Variants in PITPNB observed in about 807,000 individuals in gnomAD.
The protein encoded by PITPNB is phosphatidylinositol transfer protein beta, also known as phosphatidylinositol transfer protein beta isoform.
In PITPNB, 16 loss-of-function variants were observed where a neutral mutation model predicts 45.9. The observed-to-expected ratio is 0.35, with a 90% CI of 0.24 to 0.53. PITPNB has a LOEUF of 0.53. PITPNB is among the 20% of genes least tolerant of loss of function. PITPNB has a pLI of 0.93. For missense variants in PITPNB, 188 were observed against 330.5 expected (o/e 0.57, Z 3.34); for synonymous variants, 112 against 108.9 (o/e 1.03, Z -0.18).
intron 7 of PITPNB, among the ~76,000 whole-genome samples, chr22:27,893,161 G>T (rs572303640): frequency 6.6e-6 from 1 of 152,208 alleles, no homozygotes; most frequent in Non-Finnish European, 1.5e-5. Context: ...TAGATTAGAG[G>T]AAGAGGACCA....
At chr22:27,878,092 A>T (rs1934870799) in intron 7 of PITPNB, among the ~76,000 whole-genome samples, 1 of 152,264 alleles carries the variant, frequency 6.6e-6, no homozygotes, top group Non-Finnish European at 1.5e-5. Flanking sequence ...AAAATAGCTC[A>T]AAGATAATCA....
At chr22:27,883,641 G>A (rs1935035722) in intron 7 of PITPNB, among the ~76,000 whole-genome samples, 1 of 152,226 alleles carries the variant, frequency 6.6e-6, no homozygotes, top group Non-Finnish European at 1.5e-5. Context: ...GGGACTCAGG[G>A]TTTTGGCTTG....
chr22:27,889,618 C>T lies in PITPNB; in HGVS notation c.456+4937G>A, dbSNP rs555323926. ...ATTCTTACAGATCATCTGTTCTCTTCTCTGAAATCCTACAGCACTTTGGAC... is the reference window on the plus strand; with the variant it reads ...ATTCTTACAGATCATCTGTTCTCTTTTCTGAAATCCTACAGCACTTTGGAC... On this transcript the variant is annotated intron_variant, in intron 7 of 11. Coordinates refer to ENST00000335272, the MANE Select transcript of PITPNB (RefSeq NM_012399.5). 2.6e-4 allele frequency among the ~76,000 whole-genome samples: 40 copies of T among 152,332 alleles called. 2 individuals carry two copies. The highest frequency in any genetic ancestry group is 2.4e-3 in the Admixed American group (36 of 15,306).
At chr22:27,886,896 G>A (rs955849160) in intron 7 of PITPNB, among the ~76,000 whole-genome samples, 1 of 151,626 alleles carries the variant, frequency 6.6e-6, no homozygotes, top group African/African-American at 2.4e-5. Context: ...TTTTTAATTA[G>A]CTCACTCAAG....
chr22:27,874,565 C>T (rs867968740), intron 7 of PITPNB, among the ~76,000 whole-genome samples: 3 of 152,000 alleles, frequency 2.0e-5, no homozygotes, highest in East Asian at 3.8e-4. Context: ...CCTGACAGAA[C>T]GGAGGAAATG....
At chr22:27,906,606 TCA>T (rs989101148) in intron 3 of PITPNB, among the ~76,000 whole-genome samples, 5 of 152,174 alleles carry the variant, frequency 3.3e-5, no homozygotes, top group Non-Finnish European at 7.3e-5. Flanking sequence ...TTTCTGGACC[TCA>T]GTTTCCTCAC....
chr22:27,879,722 C>T (rs2146375179), intron 7 of PITPNB, among the ~76,000 whole-genome samples: 1 of 152,138 alleles, frequency 6.6e-6, no homozygotes, highest in African/African-American at 2.4e-5. Flanking sequence ...GTAAGTGATA[C>T]ATTTAGAAAA....
chr22:27,868,150 C>A (rs1051848347), intron 8 of PITPNB, among the ~76,000 whole-genome samples: 1 of 152,174 alleles, frequency 6.6e-6, no homozygotes, highest in Non-Finnish European at 1.5e-5. Flanking sequence ...TTTTCAAATG[C>A]TTCGTATCCT....
intron 6 of PITPNB, 47 bp from the exon 7 acceptor site, chr22:27,894,685 C>A: frequency 2.8e-6 from 3 of 1,081,426 alleles, no homozygotes; most frequent in East Asian, 4.7e-5. Flanking sequence ...GTAGATTATT[C>A]TATTATGCTT....
chr22:27,880,929 T>C (rs1283338325), intron 7 of PITPNB, among the ~76,000 whole-genome samples: 1 of 152,150 alleles, frequency 6.6e-6, no homozygotes, highest in Non-Finnish European at 1.5e-5. Context: ...TTAATAAAAT[T>C]TTAAAATCCT....
At chr22:27,914,392 C>T in intron 1 of PITPNB, 45 bp from the exon 2 acceptor site, 1 of 1,163,738 alleles carries the variant, frequency 8.6e-7, no homozygotes, top group East Asian at 2.5e-5. Flanking sequence ...TATGAAATAG[C>T]TTTAAACACA....
intron 7 of PITPNB, among the ~76,000 whole-genome samples, chr22:27,879,569 A>T (rs1934910945): frequency 6.6e-6 from 1 of 152,160 alleles, no homozygotes; most frequent in African/African-American, 2.4e-5. Flanking sequence ...ATTTATTACT[A>T]GTATATGTTT....
Position 27,853,069 on chromosome 22 carries a change from A to C in PITPNB, c.*633T>G, listed in dbSNP as rs1378822552. ...GGCTACAAGATAATGACCATCCAGA[A>C]ATAAATAGTTATAAATACATTCAGA... On this transcript the variant is annotated 3_prime_UTR_variant, in exon 12 of 12. Transcript: ENST00000335272. The C allele has an allele frequency of 1.3e-5, 2 of 152,622 alleles. No homozygotes were observed. Among genetic ancestry groups the C allele is most frequent in the African/African-American group, 4.8e-5 (2 of 41,456 alleles). 9.5% of individuals were successfully genotyped at this position (152,622 alleles called of 1,614,324 possible). A position where few individuals can be genotyped will look rare whatever the true frequency, so the allele number is the denominator to read the frequency against.
intron 1 of PITPNB, among the ~76,000 whole-genome samples, chr22:27,914,856 A>G (rs1342717020): frequency 6.6e-6 from 1 of 152,218 alleles, no homozygotes; most frequent in Non-Finnish European, 1.5e-5. Flanking sequence ...GAGAAAAATA[A>G]GGAGTCGTGT....
chr22:27,885,200 C>A, intron 7 of PITPNB, among the ~76,000 whole-genome samples: 1 of 38,726 alleles, frequency 2.6e-5, no homozygotes, highest in Non-Finnish European at 4.8e-5. Context: ...GAGCCAGATT[C>A]AAATTTATAC....
intron 8 of PITPNB, among the ~76,000 whole-genome samples, chr22:27,869,491 T>C (rs1029359987): frequency 8.6e-5 from 13 of 151,956 alleles, no homozygotes; most frequent in African/African-American, 3.1e-4. Flanking sequence ...CTCTCTGCTT[T>C]ATGCATGACC....
At chr22:27,867,381 G>GT (rs1441317993) in intron 8 of PITPNB, among the ~76,000 whole-genome samples, 1 of 152,160 alleles carries the variant, frequency 6.6e-6, no homozygotes, top group Non-Finnish European at 1.5e-5. Flanking sequence ...ATCTGGTGGG[G>GT]TAAATGGAAA....
chr22:27,870,911 C>G (rs1333896209), intron 8 of PITPNB, among the ~76,000 whole-genome samples: 1 of 152,206 alleles, frequency 6.6e-6, no homozygotes, highest in Non-Finnish European at 1.5e-5. Context: ...CAGTAATTCA[C>G]AGAAATTCAG....
intron 10 of PITPNB, 103 bp from the exon 11 acceptor site, chr22:27,855,042 C>A (rs1934131815): frequency 8.9e-6 from 7 of 783,342 alleles, no homozygotes; most frequent in Middle Eastern, 4.6e-4. Context: ...AAGTGATGTT[C>A]ATAACCATAT....
Sources: gnomAD v4.1 joint callset for allele counts (sites outside exome capture counted in the v4.1 genomes callset) on GRCh38, gnomAD v4.1.1 for gene constraint, MANE v1.5 for transcripts, NCBI Gene and HGNC (gene_info 2026-07-23, HGNC 2026-07-21) for gene names.